SPTLC2: variants seen among roughly 807,000 people sequenced by gnomAD.
SPTLC2 encodes serine palmitoyltransferase 2.
A neutral mutation model predicts 62.0 loss-of-function variants in SPTLC2; 21 were observed. The ratio of observed to expected loss-of-function variants is 0.34; its 90% CI spans 0.24 to 0.49. The LOEUF is 0.49. SPTLC2 is among the 20% of genes least tolerant of loss of function. SPTLC2 has a pLI of 0.99. For missense variants in SPTLC2, 511 were observed against 713.0 expected, an observed-to-expected ratio of 0.72 and a Z score of 3.23; for synonymous variants, 261 against 261.8, an observed-to-expected ratio of 1.00 and a Z score of 0.03.
At chr14:77,541,015 T>TTTTA (rs34700249) in intron 9 of SPTLC2, among the ~76,000 whole-genome samples, 10,616 of 148,046 alleles carry the variant, frequency 0.072, 479 homozygotes, top group Middle Eastern at 0.11. Flanking sequence ...TTGCAAAACA[T>TTTTA]TTTATTTATT....
chr14:77,603,722 A>C (rs1441081397), intron 1 of SPTLC2, among the ~76,000 whole-genome samples: 1 of 152,212 alleles, frequency 6.6e-6, no homozygotes, highest in Non-Finnish European at 1.5e-5. Context: ...GAAAACCCCC[A>C]AAAGGAGATC....
intron 1 of SPTLC2, among the ~76,000 whole-genome samples, chr14:77,609,157 G>C (rs75542196): frequency 6.6e-6 from 1 of 151,974 alleles, no homozygotes. Context: ...GATCTGACAT[G>C]TTTAAGTAGT....
intron 1 of SPTLC2, among the ~76,000 whole-genome samples, chr14:77,600,903 G>T (rs2079873763): frequency 6.6e-6 from 1 of 152,124 alleles, no homozygotes; most frequent in Admixed American, 6.5e-5. Context: ...CATGCCTGTG[G>T]GCTGTCAACC....
At chr14:77,547,874 CTTTTTTTTTTTTTTTT>C (rs61406879) in intron 9 of SPTLC2, 1 of 86,840 alleles carries the variant, frequency 1.2e-5, no homozygotes, top group African/African-American at 4.3e-5. Flanking sequence ...CCTGGAATGT[CTTTTTTTTTTTTTTTT>C]TTTTTTTTTT....
At chr14:77,544,527 C>G (rs1001054126) in intron 9 of SPTLC2, among the ~76,000 whole-genome samples, 2 of 152,188 alleles carry the variant, frequency 1.3e-5, no homozygotes, top group African/African-American at 4.8e-5. Context: ...CAGAAGGTCT[C>G]TAACACTGGC....
chr14:77,581,299 C>T (rs2079748699), intron 2 of SPTLC2, among the ~76,000 whole-genome samples: 1 of 152,016 alleles, frequency 6.6e-6, no homozygotes, highest in Non-Finnish European at 1.5e-5. Context: ...TGACACCGGA[C>T]TCTCAAGTGC....
At chr14:77,534,588 T>TATACACAC (rs1555373988) in intron 9 of SPTLC2, among the ~76,000 whole-genome samples, 4 of 141,128 alleles carry the variant, frequency 2.8e-5, no homozygotes, top group African/African-American at 8.0e-5. Context: ...CATATTTCAG[T>TATACACAC]ACACACACAC....
intron 6 of SPTLC2, among the ~76,000 whole-genome samples, chr14:77,559,946 G>A (rs995346776): frequency 6.6e-6 from 1 of 151,588 alleles, no homozygotes; most frequent in African/African-American, 2.4e-5. Flanking sequence ...AATATAAAGG[G>A]CTCTTATAAT....
rs555771770 is a variant in SPTLC2 at position 77,508,285 on chromosome 14, C to T, written c.*3999G>A. Reference sequence around the variant, plus strand: ...GACAGTTTGAAGGAAAACCACTACTCTCACCTCTTTTTCTAAGCACACGGT... The same window carrying T: ...GACAGTTTGAAGGAAAACCACTACTTTCACCTCTTTTTCTAAGCACACGGT... On this transcript the variant is annotated 3_prime_UTR_variant, in exon 12 of 12. Coordinates refer to ENST00000216484, the MANE Select transcript of SPTLC2 (RefSeq NM_004863.4). The T allele has an allele frequency of 3.9e-5, 6 of 152,316 alleles. No homozygotes were observed. Among genetic ancestry groups the T allele is most frequent in the African/African-American group, 1.4e-4 (6 of 41,566 alleles). The allele number at this position is 152,316 out of a possible 1,614,324, so 9.4% of individuals were successfully genotyped here.
intron 6 of SPTLC2, among the ~76,000 whole-genome samples, chr14:77,558,334 C>CA (rs1323809512): frequency 6.6e-6 from 1 of 152,186 alleles, no homozygotes; most frequent in Non-Finnish European, 1.5e-5. Context: ...GCGTGAGCAC[C>CA]ACGCCTGGCC....
chr14:77,602,444 A>G (rs2079882976), intron 1 of SPTLC2, among the ~76,000 whole-genome samples: 1 of 151,774 alleles, frequency 6.6e-6, no homozygotes, highest in African/African-American at 2.4e-5. Flanking sequence ...GCTCCACCTT[A>G]TTTTCTGGCT....
chr14:77,533,114 A>T (rs1219657117), intron 9 of SPTLC2, among the ~76,000 whole-genome samples: 1 of 152,114 alleles, frequency 6.6e-6, no homozygotes, highest in African/African-American at 2.4e-5. Context: ...CTTGACCAAC[A>T]TGGTGAAACC....
At chr14:77,601,488 A>G (rs1386722086) in intron 1 of SPTLC2, among the ~76,000 whole-genome samples, 3 of 152,192 alleles carry the variant, frequency 2.0e-5, no homozygotes, top group Non-Finnish European at 4.4e-5. Flanking sequence ...TTTTGGACTC[A>G]GCCCACTAGC....
At chr14:77,527,815 G>C (rs4903591) in intron 9 of SPTLC2, among the ~76,000 whole-genome samples, 35,078 of 151,896 alleles carry the variant, frequency 0.23, 4,803 homozygotes, top group East Asian at 0.56. Context: ...AGACATTTTT[G>C]TCTTAAACTA....
Position 77,555,321 on chromosome 14 carries a change from T to A in SPTLC2, c.1155A>T (p.Gly385=). 1 of 1,614,002 alleles carries A rather than the reference T, an allele frequency of 6.2e-7. No individual in the cohort carries two copies. The highest frequency in any genetic ancestry group is 8.5e-7 in the Non-Finnish European group (1 of 1,179,996). Residue 385 remains glycine (G), a synonymous_variant, in exon 8 of 12, where the codon GGA becomes GGT. Transcript: ENST00000216484. Reference sequence around the variant, plus strand: ...TTACCTTCTTGCCTCCAATATATCCTCCAGAAGCACCAAAACTCTTTGTGA... The same window carrying A: ...TTACCTTCTTGCCTCCAATATATCCACCAGAAGCACCAAAACTCTTTGTGA... ...GTFTKSFGAS[G]GYIGGKKELI...
intron 7 of SPTLC2, among the ~76,000 whole-genome samples, 199 bp downstream of exon 7, chr14:77,556,842 G>A (rs2079586857): frequency 6.6e-6 from 1 of 152,200 alleles, no homozygotes; most frequent in Non-Finnish European, 1.5e-5. Context: ...TGACCATGTA[G>A]TATTATGGAA....
At chr14:77,555,687 C>T (rs2079579573) in intron 7 of SPTLC2, among the ~76,000 whole-genome samples, 168 bp from the exon 8 acceptor site, 1 of 151,934 alleles carries the variant, frequency 6.6e-6, no homozygotes, top group Non-Finnish European at 1.5e-5. Flanking sequence ...ATAATCTCGG[C>T]TTACTACAAT....
chr14:77,547,648 A>C (rs2079535580), intron 9 of SPTLC2: 1 of 152,230 alleles, frequency 6.6e-6, no homozygotes, highest in Non-Finnish European at 1.5e-5. Context: ...CAGCAGGGGA[A>C]GTTTTAACCT....
intron 1 of SPTLC2, among the ~76,000 whole-genome samples, chr14:77,597,851 C>A (rs937953723): frequency 6.6e-6 from 1 of 150,532 alleles, no homozygotes; most frequent in African/African-American, 2.4e-5. Flanking sequence ...AGGCCAGGCA[C>A]GGTGGCTCAC....
Sources: allele counts gnomAD v4.1 joint callset (sites outside exome capture counted in the v4.1 genomes callset), GRCh38; gene constraint gnomAD v4.1.1; transcripts MANE v1.5; gene names NCBI Gene and HGNC (gene_info 2026-07-23, HGNC 2026-07-21).